The following TENM2 variants were observed in gnomAD, a reference collection of about 807,000 sequenced individuals.
TENM2 encodes the protein teneurin-2.
Under a neutral mutation model 245.2 loss-of-function variants are expected in TENM2, and 52 were observed. The ratio of observed to expected loss-of-function variants is 0.21; its 90% CI spans 0.17 to 0.27. TENM2 has a LOEUF of 0.27. TENM2 is among the 10% of genes least tolerant of loss of function. The pLI, the probability that TENM2 is intolerant of heterozygous loss-of-function variation, is 1.00. For missense variants in TENM2, 3,046 were observed against 3,666.8 expected, an observed-to-expected ratio of 0.83 and a Z score of 4.37; for synonymous variants, 1,363 against 1,438.9, an observed-to-expected ratio of 0.95 and a Z score of 1.19.
the TENM2 span, among the ~76,000 whole-genome samples, chr5:167,090,586 A>T: frequency 6.6e-6 from 1 of 152,044 alleles, no homozygotes. Flanking sequence ...AGTGATCTTT[A>T]CTCCTCTAAT....
At position 168,247,619 on chromosome 5, in the gene TENM2, A is replaced by G; in HGVS notation, c.6680A>G (p.Asp2227Gly). 6.2e-7 allele frequency: 1 copy of G among 1,613,774 alleles called. No homozygotes were observed. The highest frequency in any genetic ancestry group is 8.5e-7 in the Non-Finnish European group (1 of 1,179,800). ...CGCCCGACCTGGCGCTACAGCTATG[A>G]CCTTAATGGGAATCTCCACTTACTG... Residue 2227 changes from aspartate to glycine, a missense_variant, in exon 27 of 29, where the codon GAC becomes GGC. By Grantham distance (94) the Asp-to-Gly change is moderately conservative (BLOSUM62 -1). This residue lies in a region of TENM2 where 2,704 missense variants were observed against 3,331.9 expected (regional missense o/e 0.81). Transcript: ENST00000518659. The surrounding 1 kb of genome is among the most constrained non-coding windows in gnomAD (Gnocchi z 7.8).
At chr5:167,357,289 A>G (rs1193523654) in intron 1 of TENM2, among the ~76,000 whole-genome samples, 1 of 138,024 alleles carries the variant, frequency 7.2e-6, no homozygotes, top group Non-Finnish European at 1.5e-5. Context: ...CTTATGCAAG[A>G]GCCATCCTTT....
At chr5:167,743,802 A>G (rs1270633082) in intron 2 of TENM2, among the ~76,000 whole-genome samples, 1 of 152,206 alleles carries the variant, frequency 6.6e-6, no homozygotes, top group East Asian at 1.9e-4. Context: ...GAAAGAAGAA[A>G]AAGTAGATCT....
At chr5:167,717,204 C>T (rs944410325) in intron 2 of TENM2, among the ~76,000 whole-genome samples, 1 of 152,086 alleles carries the variant, frequency 6.6e-6, no homozygotes, top group African/African-American at 2.4e-5. Context: ...GATCTGCCCA[C>T]CTCAGCCTCC....
chr5:168,236,125 A>G (rs1562317771), intron 25 of TENM2, among the ~76,000 whole-genome samples: 1 of 152,206 alleles, frequency 6.6e-6, no homozygotes, highest in East Asian at 1.9e-4. Flanking sequence ...GGCCCTTTTA[A>G]GGATCTTAGA....
At chr5:167,422,758 G>T (rs540733053) in intron 2 of TENM2, among the ~76,000 whole-genome samples, 1 of 152,114 alleles carries the variant, frequency 6.6e-6, no homozygotes, top group African/African-American at 2.4e-5. Context: ...ATGCCTCCAC[G>T]TGAATCCTGA....
chr5:168,093,541 T>G (rs1204668654), intron 8 of TENM2, among the ~76,000 whole-genome samples: 1 of 152,178 alleles, frequency 6.6e-6, no homozygotes, highest in Non-Finnish European at 1.5e-5. Flanking sequence ...AGGAAAATGT[T>G]AGACAGGTGC....
chr5:167,194,453 C>T, the TENM2 span, among the ~76,000 whole-genome samples: 5 of 151,932 alleles, frequency 3.3e-5, no homozygotes, highest in Admixed American at 1.3e-4. Flanking sequence ...TCATCTAATG[C>T]GAAATTAACC....
At position 167,508,062 on chromosome 5, in the gene TENM2, T is replaced by C. The variant is rs146259935; in HGVS notation, c.502+132589T>C. On this transcript the variant is annotated intron_variant, in intron 2 of 28. Transcript: ENST00000518659. ...TTTACCAAGGAAACCCCACTGAACA[T>C]GTGGAAACGAAAGGCAGATGTAATG... Among the ~76,000 whole-genome samples, 1,283 of 152,240 alleles carry C rather than the reference T, an allele frequency of 8.4e-3. 22 individuals are homozygous for C. The highest frequency in any genetic ancestry group is 0.029 in the African/African-American group (1,202 of 41,538).
intron 3 of TENM2, among the ~76,000 whole-genome samples, chr5:167,909,255 T>C (rs751204697): frequency 2.0e-5 from 3 of 152,184 alleles, no homozygotes; most frequent in Non-Finnish European, 2.9e-5. Context: ...AGTTGGACTT[T>C]TGTAAGGGAA....
intron 2 of TENM2, among the ~76,000 whole-genome samples, chr5:167,632,488 G>A (rs2336899): frequency 0.36 from 54,365 of 152,106 alleles, 11,114 homozygotes; most frequent in Non-Finnish European, 0.47. Context: ...ATATTTCTAA[G>A]GCAGCCATTG....
the TENM2 span, among the ~76,000 whole-genome samples, chr5:167,191,997 G>A: frequency 1.3e-5 from 2 of 152,036 alleles, no homozygotes; most frequent in African/African-American, 4.8e-5. Context: ...AGTATTGAAA[G>A]GAATAATCTC....
chr5:167,218,081 T>C, the TENM2 span, among the ~76,000 whole-genome samples: 3 of 152,284 alleles, frequency 2.0e-5, no homozygotes, highest in Non-Finnish European at 2.9e-5. Flanking sequence ...TGTTAATCAA[T>C]AGACATGCCA....
rs529782484 is a variant in TENM2 at position 167,893,143 on chromosome 5, C to A, written c.712+16948C>A. ...CCTCCTGTAAGTAACTGGGTTTGGG[C>A]TGCTCAGAAATTCCTGTCTGTGATA... is the stretch of plus-strand genomic sequence containing the variant. On this transcript the variant is annotated intron_variant, in intron 3 of 28. Transcript: ENST00000518659. Among the ~76,000 whole-genome samples the A allele has an allele frequency of 2.2e-4, 34 of 152,272 alleles. 1 individual carries two copies. The highest frequency in any genetic ancestry group is 7.2e-4 in the African/African-American group (30 of 41,568).
At position 168,098,757 on chromosome 5, in the gene TENM2, T is replaced by C. The variant is rs542551198; in HGVS notation, c.1813+630T>C. On this transcript the variant is annotated intron_variant, in intron 9 of 28. Transcript: ENST00000518659. ...GGCAGGTATAGTGAAGAGCAGAGCGTCTCACACTTTTACCCACAGGCACAC... is the reference window on the plus strand; with the variant it reads ...GGCAGGTATAGTGAAGAGCAGAGCGCCTCACACTTTTACCCACAGGCACAC... Among the ~76,000 whole-genome samples, 6 of 152,020 alleles carry C rather than the reference T, an allele frequency of 3.9e-5. No individual in the cohort carries two copies. In the East Asian group the frequency reaches 1.2e-3, roughly 29 times the overall value.
chr5:167,617,646 C>T (rs1777874785), intron 2 of TENM2, among the ~76,000 whole-genome samples: 1 of 152,140 alleles, frequency 6.6e-6, no homozygotes, highest in Admixed American at 6.5e-5. Context: ...CCTACCCACT[C>T]AACTCTAATA....
the TENM2 span, among the ~76,000 whole-genome samples, chr5:167,219,584 A>C: frequency 6.6e-6 from 1 of 152,190 alleles, no homozygotes; most frequent in African/African-American, 2.4e-5. Context: ...GTTTAGCCCT[A>C]TGTTTGTGAA....
chr5:167,274,631 A>G, the TENM2 span, among the ~76,000 whole-genome samples: 32 of 149,642 alleles, frequency 2.1e-4, no homozygotes, highest in Admixed American at 4.7e-4. Context: ...GAGTCACTGC[A>G]TGAGTGATCC....
intron 2 of TENM2, among the ~76,000 whole-genome samples, chr5:167,530,230 C>T (rs1771399736): frequency 6.6e-6 from 1 of 152,030 alleles, no homozygotes; most frequent in Non-Finnish European, 1.5e-5. Context: ...ATTTTAAAAA[C>T]AAAAATCAGT....
Sources: gnomAD v4.1 joint callset for allele counts (sites outside exome capture counted in the v4.1 genomes callset) on GRCh38, gnomAD v4.1.1 for gene constraint, gnomAD v4.1.1 regional missense constraint, Gnocchi (gnomAD v3.1) non-coding constraint, MANE v1.5 for transcripts, NCBI Gene and HGNC (gene_info 2026-07-23, HGNC 2026-07-21) for gene names.